CELF5: variants seen among roughly 807,000 people sequenced by gnomAD.
CELF5 encodes the protein CUGBP Elav-like family member 5, also known as CUG-BP and ETR-3 like factor 5.
CELF5 carries 6 observed loss-of-function variants against 54.9 expected under a neutral mutation model. The ratio of observed to expected loss-of-function variants is 0.11; its 90% CI spans 0.06 to 0.22. CELF5 has a LOEUF of 0.22. Among genes scored for constraint, CELF5 ranks in the 10% least tolerant of loss-of-function variants. CELF5 has a pLI of 1.00. For synonymous variants in CELF5, 271 were observed against 290.9 expected (o/e 0.93, Z 0.70); for missense variants, 401 against 678.6 (o/e 0.59, Z 4.54).
At chr19:3,287,695 C>G (rs313782) in intron 10 of CELF5, among the ~76,000 whole-genome samples, 107,501 of 151,664 alleles carry the variant, frequency 0.71, 39,055 homozygotes, top group African/African-American at 0.79. Flanking sequence ...CAAGGCTGCA[C>G]TGAGCCAAGA....
Position 3,282,000 on chromosome 19 carries a change from G to C in CELF5, c.751-126G>C, listed in dbSNP as rs1265173304. On this transcript the variant is annotated intron_variant, in intron 6 of 12. Coordinates refer to ENST00000292672, the MANE Select transcript of CELF5 (RefSeq NM_021938.4). This position sits in a 1 kb window ranked among gnomAD's most constrained non-coding sequence, Gnocchi z 6.5. ...TGATCCCAGTCTGAGCTCCAATTCT[G>C]ATCTCAGCCTGAGCCAAGATACCCA... The C allele has an allele frequency of 2.9e-6, 3 of 1,050,382 alleles. No homozygotes were observed. Among genetic ancestry groups the C allele is most frequent in the Non-Finnish European group, 4.3e-6 (3 of 695,326 alleles). 65.1% of individuals were successfully genotyped at this position (1,050,382 alleles called of 1,614,324 possible). A position where few individuals can be genotyped will look rare whatever the true frequency, so the allele number is the denominator to read the frequency against.
chr19:3,283,659 T>C (rs1043891580), intron 8 of CELF5, among the ~76,000 whole-genome samples: 1 of 151,990 alleles, frequency 6.6e-6, no homozygotes, highest in Non-Finnish European at 1.5e-5. Context: ...TTTGAAATGA[T>C]TGGAGGTTCA....
intron 1 of CELF5, among the ~76,000 whole-genome samples, chr19:3,226,677 C>T (rs1488640141): frequency 2.6e-5 from 4 of 151,980 alleles, no homozygotes; most frequent in African/African-American, 7.2e-5. Flanking sequence ...GCCCCCCAAA[C>T]GGTTGCATTG....
In CELF5 at chr19:3,278,679, T is replaced by TTGTGTGTG. The variant is rs3046138; in HGVS notation, c.603+583_603+590dup. ...TCTGCAGGTGCATTTGTGGGCAGGT[T>TTGTGTGTG]TGTGTGTGTGTGTGTGTGTGTTTGT... On this transcript the variant is annotated intron_variant, in intron 5 of 12. Transcript: ENST00000292672. The surrounding 1 kb of genome is among the most constrained non-coding windows in gnomAD (Gnocchi z 4.5). Among the ~76,000 whole-genome samples the TTGTGTGTG allele has an allele frequency of 2.7e-5, 4 of 148,994 alleles. No individual in the cohort carries two copies. Among genetic ancestry groups the TTGTGTGTG allele is most frequent in the South Asian group, 2.1e-4 (1 of 4,698 alleles).
intron 2 of CELF5, among the ~76,000 whole-genome samples, chr19:3,262,230 TG>T (rs1270875589): frequency 6.6e-6 from 1 of 152,096 alleles, no homozygotes; most frequent in Non-Finnish European, 1.5e-5. Context: ...CATTTCTCCA[TG>T]TTGGCCAGGC....
In CELF5 at chr19:3,281,362, C is replaced by G; in HGVS notation, c.750+17C>G. The stretch of plus-strand genomic sequence containing the variant: ...GCCCAGGCTGTGAGTGACCCAGTGA[C>G]AGCTTCGGGGCTCCGGCTCCGTCTC... On this transcript the variant is annotated intron_variant, in intron 6 of 12. Coordinates refer to ENST00000292672, the MANE Select transcript of CELF5 (RefSeq NM_021938.4). The surrounding 1 kb of genome is among the most constrained non-coding windows in gnomAD (Gnocchi z 6.5). The G allele has an allele frequency of 2.5e-6, 4 of 1,588,610 alleles. No individual in the cohort carries two copies. The highest frequency in any genetic ancestry group is 3.4e-6 in the Non-Finnish European group (4 of 1,165,494).
At chr19:3,286,594 G>A (rs1348332388) in intron 10 of CELF5, 2 of 152,472 alleles carry the variant, frequency 1.3e-5, no homozygotes, top group Non-Finnish European at 2.9e-5. Flanking sequence ...TTGGCCAGGT[G>A]TAGTGGTGTG....
chr19:3,230,077 C>CAT (rs1917180099), intron 1 of CELF5, among the ~76,000 whole-genome samples: 29 of 149,318 alleles, frequency 1.9e-4, no homozygotes, highest in African/African-American at 6.9e-4. Context: ...TAGGACCACA[C>CAT]TCATTCATTC....
At chr19:3,283,079 C>G (rs1449749261) in intron 8 of CELF5, among the ~76,000 whole-genome samples, 2 of 152,188 alleles carry the variant, frequency 1.3e-5, no homozygotes, top group African/African-American at 4.8e-5. Flanking sequence ...GATTCACCTA[C>G]TGCGCCCAGC....
chr19:3,297,035 A>AAC lies in CELF5; in HGVS notation c.*319_*320insCA, dbSNP rs1464578140. Reference sequence around the variant, plus strand: ...TCTGGAGAAAAAAAAAAAAAAAAAAAAACAACTAAAAATTTATTTAATAAA... The same window carrying AAC: ...TCTGGAGAAAAAAAAAAAAAAAAAAAACAACAACTAAAAATTTATTTAATAAA... On this transcript the variant is annotated 3_prime_UTR_variant, in exon 13 of 13. Coordinates refer to ENST00000292672, the MANE Select transcript of CELF5 (RefSeq NM_021938.4). 3 of 151,354 alleles carry AAC rather than the reference A, an allele frequency of 2.0e-5. No individual in the cohort carries two copies. Among genetic ancestry groups the AAC allele is most frequent in the Non-Finnish European group, 4.4e-5 (3 of 67,866 alleles). The allele number at this position is 151,354 out of a possible 1,614,324, so 9.4% of individuals were successfully genotyped here. A position where few individuals can be genotyped will look rare whatever the true frequency, so the allele number is the denominator to read the frequency against.
chr19:3,265,217 C>T (rs1258843588), intron 2 of CELF5, among the ~76,000 whole-genome samples: 1 of 152,006 alleles, frequency 6.6e-6, no homozygotes, highest in African/African-American at 2.4e-5. Flanking sequence ...TTGTGCCTGG[C>T]GTCCTAGCTA....
At chr19:3,273,816 CGCCTGCCACA>C in intron 2 of CELF5, 46 bp from the exon 3 acceptor site, 31 of 1,257,688 alleles carry the variant, frequency 2.5e-5, no homozygotes, top group Non-Finnish European at 3.6e-5. Context: ...CAAAACCCCC[CGCCTGCCACA>C]CCCCCACTGC....
chr19:3,275,827 T>C lies in CELF5; in HGVS notation c.395-29T>C. The C allele has an allele frequency of 6.3e-7, 1 of 1,587,570 alleles. No homozygotes were observed. Among genetic ancestry groups the C allele is most frequent in the East Asian group, 2.3e-5 (1 of 44,062 alleles). ...GGAGGCCCTCCCGGAGGCCGGGGAC[T>C]CGGCTGAGGTGGGTGTCGCCGCCCA... On this transcript the variant is annotated intron_variant, in intron 3 of 12. Transcript: ENST00000292672. This position sits in a 1 kb window ranked among gnomAD's most constrained non-coding sequence, Gnocchi z 6.7.
intron 1 of CELF5, among the ~76,000 whole-genome samples, chr19:3,237,392 C>T (rs1326434458): frequency 1.3e-5 from 2 of 150,374 alleles, no homozygotes; most frequent in Admixed American, 6.6e-5. Flanking sequence ...TGCTTGTTGG[C>T]AGTTTTTATG....
intron 4 of CELF5, 96 bp from the exon 5 acceptor site, chr19:3,277,935 G>A (rs758124497): frequency 2.3e-6 from 2 of 867,972 alleles, no homozygotes; most frequent in African/African-American, 1.7e-5. Flanking sequence ...GTCTGACACT[G>A]GCCATGTAGG....
chr19:3,280,408 T>TA lies in CELF5; in HGVS notation c.604-786dup, dbSNP rs1219093891. 9.2e-3 allele frequency among the ~76,000 whole-genome samples: 1,382 copies of TA among 150,374 alleles called. 22 individuals carry two copies. The highest frequency in any genetic ancestry group is 0.033 in the African/African-American group (1,317 of 40,378). On this transcript the variant is annotated intron_variant, in intron 5 of 12. Transcript: ENST00000292672. ...CAACATAGTGAAACCCCGTCTCTAC[T>TA]AAAAATAAAAAAAAAAATTAGCTGG... is the stretch of plus-strand genomic sequence containing the variant.
intron 1 of CELF5, among the ~76,000 whole-genome samples, chr19:3,250,672 T>G (rs1005745363): frequency 1.1e-4 from 17 of 152,080 alleles, no homozygotes; most frequent in African/African-American, 3.6e-4. Context: ...CATTTTACTT[T>G]CTGTCTGTGT....
chr19:3,228,917 C>A lies in CELF5; in HGVS notation c.259+3919C>A. Among the ~76,000 whole-genome samples, 1 of 131,234 alleles carries A rather than the reference C, an allele frequency of 7.6e-6. No individual in the cohort carries two copies. The allele number at this position is 131,234 out of a possible 152,430, so 86.1% of individuals were successfully genotyped here. On this transcript the variant is annotated intron_variant, in intron 1 of 12. Transcript: ENST00000292672. This position sits in a 1 kb window ranked among gnomAD's most constrained non-coding sequence, Gnocchi z 6.0. ...GTGTGTGTGTGTGTGTGTGTGTGTA[C>A]GCGGGCGCGCGCCTGGGAAGGACTC...
intron 2 of CELF5, among the ~76,000 whole-genome samples, chr19:3,259,395 C>T (rs148611843): frequency 2.6e-5 from 4 of 151,870 alleles, no homozygotes; most frequent in Non-Finnish European, 5.9e-5. Context: ...CTGCAGTGCC[C>T]AGGACGGCCC....
Sources: gnomAD v4.1 joint callset for allele counts (sites outside exome capture counted in the v4.1 genomes callset) on GRCh38, gnomAD v4.1.1 for gene constraint, Gnocchi (gnomAD v3.1) non-coding constraint, MANE v1.5 for transcripts, NCBI Gene and HGNC (gene_info 2026-07-23, HGNC 2026-07-21) for gene names.